CSNK2A2IP: variants seen among roughly 807,000 people sequenced by gnomAD.
The protein encoded by CSNK2A2IP is casein kinase 2 subunit alpha' interacting protein, also known as casein kinase II subunit alpha'-interacting protein.
the CSNK2A2IP span, among the ~76,000 whole-genome samples, chr3:88,346,506 C>T: frequency 1.0e-3 from 156 of 151,976 alleles, no homozygotes; most frequent in African/African-American, 3.4e-3. Context: ...GATCCTTTAC[C>T]ATTTCAAAAA....
At chr3:88,350,104 C>A in the CSNK2A2IP span, among the ~76,000 whole-genome samples, 1 of 152,128 alleles carries the variant, frequency 6.6e-6, no homozygotes, top group African/African-American at 2.4e-5. Flanking sequence ...CTAAACACAG[C>A]CTTTTCTAGG....
the CSNK2A2IP span, among the ~76,000 whole-genome samples, chr3:88,359,607 A>T: frequency 6.6e-6 from 1 of 151,964 alleles, no homozygotes; most frequent in Non-Finnish European, 1.5e-5. Context: ...TTTCTTCTTA[A>T]TTTATTTAAA....
the CSNK2A2IP span, among the ~76,000 whole-genome samples, chr3:88,427,172 G>A: frequency 6.6e-6 from 1 of 151,736 alleles, no homozygotes; most frequent in Non-Finnish European, 1.5e-5. Context: ...TGGAGATGAA[G>A]AACTTGTTGG....
chr3:88,412,596 A>G, the CSNK2A2IP span, among the ~76,000 whole-genome samples: 1 of 152,066 alleles, frequency 6.6e-6, no homozygotes, highest in South Asian at 2.1e-4. Context: ...GAATAGGAGC[A>G]CAGTCTTGTG....
At chr3:88,365,550 C>T in the CSNK2A2IP span, among the ~76,000 whole-genome samples, 4 of 152,148 alleles carry the variant, frequency 2.6e-5, no homozygotes, top group Non-Finnish European at 2.9e-5. Flanking sequence ...TGGATGGATT[C>T]GCTTTTCTGG....
At chr3:88,422,786 A>G in the CSNK2A2IP span, among the ~76,000 whole-genome samples, 1 of 152,204 alleles carries the variant, frequency 6.6e-6, no homozygotes, top group Non-Finnish European at 1.5e-5. Flanking sequence ...TTTTTATAGA[A>G]TGAATCCTAC....
chr3:88,466,728 G>T, the CSNK2A2IP span: 1 of 1,008,428 alleles, frequency 9.9e-7, no homozygotes, highest in Non-Finnish European at 1.3e-6. Flanking sequence ...TTAGAAGGAT[G>T]AGGGGAAGGC....
At chr3:88,413,497 T>C in the CSNK2A2IP span, among the ~76,000 whole-genome samples, 2 of 152,024 alleles carry the variant, frequency 1.3e-5, no homozygotes, top group African/African-American at 2.4e-5. Context: ...TGTGGTTTCA[T>C]TGGAAATAAT....
At chr3:88,414,369 G>T in the CSNK2A2IP span, among the ~76,000 whole-genome samples, 505 of 124,276 alleles carry the variant, frequency 4.1e-3, 1 homozygote, top group Non-Finnish European at 5.7e-3. Flanking sequence ...TGTAACCTCC[G>T]CCTCCTGGGT....
chr3:88,353,466 G>A, the CSNK2A2IP span, among the ~76,000 whole-genome samples: 2 of 152,106 alleles, frequency 1.3e-5, no homozygotes, highest in Non-Finnish European at 2.9e-5. Flanking sequence ...GACTCTTCAG[G>A]CCTTTCACGT....
the CSNK2A2IP span, among the ~76,000 whole-genome samples, chr3:88,409,488 G>A: frequency 4.6e-5 from 7 of 151,192 alleles, no homozygotes; most frequent in Admixed American, 4.6e-4. Flanking sequence ...AGTTTGGGGG[G>A]AAAATGTCTA....
At chr3:88,340,696 C>G in the CSNK2A2IP span, among the ~76,000 whole-genome samples, 1 of 151,926 alleles carries the variant, frequency 6.6e-6, no homozygotes, top group Non-Finnish European at 1.5e-5. Context: ...TGAATAGCCT[C>G]AAGTATTTAA....
chr3:88,367,290 A>G, the CSNK2A2IP span, among the ~76,000 whole-genome samples: 2 of 152,118 alleles, frequency 1.3e-5, no homozygotes, highest in African/African-American at 4.8e-5. Context: ...TTCATTTGTG[A>G]AAGTCATTCT....
chr3:88,444,218 T>C, the CSNK2A2IP span, among the ~76,000 whole-genome samples: 1 of 151,964 alleles, frequency 6.6e-6, no homozygotes, highest in African/African-American at 2.4e-5. Flanking sequence ...AGAACAACAC[T>C]GGAGCTTAAA....
At chr3:88,360,670 A>T in the CSNK2A2IP span, among the ~76,000 whole-genome samples, 3 of 152,130 alleles carry the variant, frequency 2.0e-5, no homozygotes, top group South Asian at 2.1e-4. Context: ...AGTTCAATTT[A>T]TATTCAATGT....
chr3:88,377,584 T>A, the CSNK2A2IP span, among the ~76,000 whole-genome samples: 1 of 151,986 alleles, frequency 6.6e-6, no homozygotes, highest in African/African-American at 2.4e-5. Context: ...ATTGATCATG[T>A]TGTAAATATT....
chr3:88,341,277 A>G, the CSNK2A2IP span, among the ~76,000 whole-genome samples: 1 of 151,846 alleles, frequency 6.6e-6, no homozygotes, highest in Admixed American at 6.6e-5. Context: ...TGTACAATAA[A>G]TATTGACATG....
At chr3:88,393,748 C>T in the CSNK2A2IP span, among the ~76,000 whole-genome samples, 4 of 152,202 alleles carry the variant, frequency 2.6e-5, no homozygotes, top group South Asian at 2.1e-4. Context: ...TCACTGGAGA[C>T]GTAGAATTTG....
chr3:88,435,529 A>C, the CSNK2A2IP span, among the ~76,000 whole-genome samples: 10 of 152,178 alleles, frequency 6.6e-5, no homozygotes, highest in African/African-American at 2.4e-4. Flanking sequence ...CAAGGTGAAG[A>C]GAGAGGCAGA....
Sources: allele counts gnomAD v4.1 joint callset (sites outside exome capture counted in the v4.1 genomes callset), GRCh38; gene constraint gnomAD v4.1.1; transcripts MANE v1.5; gene names NCBI Gene and HGNC (gene_info 2026-07-23, HGNC 2026-07-21).